The following DNHD1 variants were observed in gnomAD, a reference collection of about 807,000 sequenced individuals.
DNHD1 encodes dynein heavy chain domain 1.
Under a neutral mutation model 458.1 loss-of-function variants are expected in DNHD1, and 383 were observed. That is an observed-to-expected ratio of 0.84 (90% confidence interval 0.77 to 0.91). The LOEUF (loss-of-function observed/expected upper bound fraction) is 0.91, where lower values mean the gene tolerates loss of function less well. Among genes scored for constraint, DNHD1 ranks in the 40% least tolerant of loss-of-function variants. DNHD1 has a pLI of 0.00. For missense variants in DNHD1, 5,336 were observed against 5,866.1 expected, an observed-to-expected ratio of 0.91 and a Z score of 2.95; for synonymous variants, 2,203 against 2,376.9, an observed-to-expected ratio of 0.93 and a Z score of 2.13.
Position 6,508,803 on chromosome 11 carries a change from T to G in DNHD1, c.921-77T>G, listed in dbSNP as rs1376570536. 7.8e-5 allele frequency: 108 copies of G among 1,387,652 alleles called. 1 individual carries two copies. The East Asian group carries it at 2.5e-3, about 32-fold the overall frequency. 86.0% of individuals were successfully genotyped at this position (1,387,652 alleles called of 1,614,324 possible). A position where few individuals can be genotyped will look rare whatever the true frequency, so the allele number is the denominator to read the frequency against. On this transcript the variant is annotated intron_variant, in intron 4 of 42. Coordinates refer to ENST00000254579, the MANE Select transcript of DNHD1 (RefSeq NM_144666.3). ...TGCCTTCCTGTTCCCCTTTTTCATC[T>G]CCTGTATCCTCCTTTGGTCTCTTAA...
chr11:6,506,289 A>G (rs1852226826), intron 4 of DNHD1, among the ~76,000 whole-genome samples: 1 of 152,216 alleles, frequency 6.6e-6, no homozygotes, highest in Non-Finnish European at 1.5e-5. Flanking sequence ...CCCATACCAA[A>G]AAGGAGGTAT....
At chr11:6,502,548 CCTAA>C (rs1455675424) in intron 3 of DNHD1, among the ~76,000 whole-genome samples, 4 of 152,264 alleles carry the variant, frequency 2.6e-5, no homozygotes, top group East Asian at 3.9e-4. Flanking sequence ...AATATTGTTG[CCTAA>C]CTGTGTTCTA....
chr11:6,534,725 G>C (rs1465303313), intron 14 of DNHD1, among the ~76,000 whole-genome samples: 2 of 152,116 alleles, frequency 1.3e-5, no homozygotes, highest in African/African-American at 4.8e-5. Flanking sequence ...AAAGAACTCT[G>C]TGGGCTCTGG....
In DNHD1 at chr11:6,570,031, G is replaced by C; in HGVS notation, c.12886G>C (p.Val4296Leu). 1 of 1,613,836 alleles carries C rather than the reference G, an allele frequency of 6.2e-7. No individual in the cohort carries two copies. The highest frequency in any genetic ancestry group is 8.5e-7 in the Non-Finnish European group (1 of 1,179,838). ...GRWSQVTLTQ[V>L]LQTQDQLWAS... ...TAGGAGTCAAGTGACTCTAACCCAG[G>C]TTCTTCAGACCCAAGACCAGCTGTG... Residue 4296 changes from valine (V) to leucine (L), a missense_variant, in exon 40 of 43, where the codon GTT becomes CTT. Physicochemically the swap from Val to Leu is conservative, Grantham distance 32. Coordinates refer to ENST00000254579, the MANE Select transcript of DNHD1 (RefSeq NM_144666.3).
rs1429435687 is a variant in DNHD1 at position 6,570,751 on chromosome 11, CTT to C, written c.13240_13241del (p.Leu4414GlufsTer13). The C allele has an allele frequency of 1.2e-6, 2 of 1,612,164 alleles. No homozygotes were observed. The highest frequency in any genetic ancestry group is 1.1e-5 in the South Asian group (1 of 90,762). On this transcript the variant is annotated frameshift_variant, in exon 42 of 43. Coordinates refer to ENST00000254579, the MANE Select transcript of DNHD1 (RefSeq NM_144666.3). LOFTEE classifies it high-confidence loss of function. ...WLLRRQSRAL[L>X]SALQRSSPVW... ...TGTTGCGACGCCAGAGTCGCGCTCT[CTT>C]GAGTGCGCTGCAGCGGAGTTCACCC...
Position 6,498,900 on chromosome 11 carries a change from C to G in DNHD1, c.685C>G (p.Arg229Gly). ...GGCACTGGCAGCGGACATCCCTGTA[C>G]GGTATGAAAGCAGTGACACTGACAA... ...PLALAADIPV[R>G]YESSDTDNAE... The change falls in exon 3 of 43, where the codon CGG becomes GGG. Residue 229 changes from arginine to glycine, a missense_variant. This residue lies in a region of DNHD1 where 3,932 missense variants were observed against 4,365.6 expected (regional missense o/e 0.90). Transcript: ENST00000254579. The G allele has an allele frequency of 6.2e-7, 1 of 1,613,892 alleles. No homozygotes were observed. The highest frequency in any genetic ancestry group is 2.2e-5 in the East Asian group (1 of 44,894).
intron 24 of DNHD1, among the ~76,000 whole-genome samples, chr11:6,549,507 CTA>C (rs971502996): frequency 1.4e-4 from 22 of 152,244 alleles, no homozygotes; most frequent in Non-Finnish European, 1.8e-4. Flanking sequence ...TACACTCTCT[CTA>C]ATTGGACTTA....
intron 12 of DNHD1, among the ~76,000 whole-genome samples, chr11:6,532,462 T>TA (rs1200060340): frequency 6.6e-6 from 1 of 152,214 alleles, no homozygotes; most frequent in Non-Finnish European, 1.5e-5. Context: ...CAGATCATAC[T>TA]ACCTTCTTGG....
Position 6,516,543 on chromosome 11 carries a change from C to A in DNHD1, c.1393-3057C>A, listed in dbSNP as rs1564998786. ...AAACCCCTGACCTCACGTGATCCGC[C>A]CACCTCAGCCTCCCAAAGTGCTGGG... On this transcript the variant is annotated intron_variant, in intron 7 of 42. Coordinates refer to ENST00000254579, the MANE Select transcript of DNHD1 (RefSeq NM_144666.3). 2.0e-5 allele frequency among the ~76,000 whole-genome samples: 3 copies of A among 151,944 alleles called. No homozygotes were observed. In the South Asian group the frequency reaches 6.2e-4, roughly 32 times the overall value.
intron 7 of DNHD1, among the ~76,000 whole-genome samples, chr11:6,516,631 T>G (rs2134388950): frequency 6.6e-6 from 1 of 152,142 alleles, no homozygotes; most frequent in African/African-American, 2.4e-5. Context: ...CACCATAAAT[T>G]ATGTATTTAT....
At chr11:6,512,242 A>T (rs1209406180) in intron 7 of DNHD1, among the ~76,000 whole-genome samples, 2 of 75,600 alleles carry the variant, frequency 2.6e-5, no homozygotes, top group African/African-American at 7.3e-5. Flanking sequence ...TTTTTTTGAG[A>T]CGGAGTCTCG....
At chr11:6,511,220 A>G (rs1395860244) in intron 6 of DNHD1, 53 bp from the exon 7 acceptor site, 1 of 1,598,510 alleles carries the variant, frequency 6.3e-7, no homozygotes, top group Non-Finnish European at 8.5e-7. Flanking sequence ...GGTCAAAGGT[A>G]TCCAAGGAAG....
rs1183555577 is a variant in DNHD1, at chr11:6,539,993, C to G, written c.3538C>G (p.Pro1180Ala). ...LNFILHVPYE[P>A]PASERSKRQV... ...CTTCATCCTGCATGTACCCTACGAG[C>G]CCCCAGCCTCAGAGCGCTCCAAGAG... The change falls in exon 18 of 43, where the codon CCC (proline) becomes GCC (alanine). Residue 1180 changes from proline to alanine, a missense_variant. This residue lies in a region of DNHD1 where 3,932 missense variants were observed against 4,365.6 expected (regional missense o/e 0.90). Coordinates refer to ENST00000254579, the MANE Select transcript of DNHD1 (RefSeq NM_144666.3). 10 of 1,551,574 alleles carry G rather than the reference C, an allele frequency of 6.4e-6. No homozygotes were observed. Among genetic ancestry groups the G allele is most frequent in the Admixed American group, 2.0e-5 (1 of 50,998 alleles).
rs776402315 is a variant in DNHD1, at chr11:6,571,024, T to C, written c.13512T>C (p.Asp4504=). Residue 4504 remains aspartate, a synonymous_variant, in exon 42 of 43, where the codon GAT becomes GAC. Coordinates refer to ENST00000254579, the MANE Select transcript of DNHD1 (RefSeq NM_144666.3). The surrounding 1 kb of genome is among the most constrained non-coding windows in gnomAD (Gnocchi z 5.0). The part of the protein sequence containing the change: ...QLVGTLQRDL[D]CLLQQLKGAP... Reference sequence around the variant, plus strand: ...TGGGCACGCTACAACGCGACCTTGATTGCCTGTTGCAGCAGCTGAAGGGCG... The same window carrying C: ...TGGGCACGCTACAACGCGACCTTGACTGCCTGTTGCAGCAGCTGAAGGGCG... 4 of 1,589,028 alleles carry C rather than the reference T, an allele frequency of 2.5e-6. No homozygotes were observed. The highest frequency in any genetic ancestry group is 2.2e-5 in the East Asian group (1 of 44,488).
intron 4 of DNHD1, chr11:6,508,385 G>A (rs966441518): frequency 2.6e-5 from 4 of 152,916 alleles, no homozygotes; most frequent in African/African-American, 9.7e-5. Flanking sequence ...TCCAATCTCA[G>A]TTTTTCCATC....
At chr11:6,510,300 G>T (rs1373391319) in intron 6 of DNHD1, among the ~76,000 whole-genome samples, 2 of 151,952 alleles carry the variant, frequency 1.3e-5, no homozygotes, top group South Asian at 2.1e-4. Context: ...GGCCAGGCTG[G>T]TCTTGAACTC....
chr11:6,538,925 C>A, intron 16 of DNHD1, 115 bp downstream of exon 16: 1 of 1,117,316 alleles, frequency 9.0e-7, no homozygotes, highest in South Asian at 1.7e-5. Context: ...CCAAGTTTCT[C>A]CCTACCTTTC....
chr11:6,551,239 A>G (rs1307654090), intron 24 of DNHD1, among the ~76,000 whole-genome samples: 1 of 152,216 alleles, frequency 6.6e-6, no homozygotes, highest in Non-Finnish European at 1.5e-5. Flanking sequence ...ATAATGTACC[A>G]AAAAAGAAAT....
intron 4 of DNHD1, among the ~76,000 whole-genome samples, chr11:6,506,869 T>G (rs1258929256): frequency 1.3e-5 from 2 of 152,230 alleles, no homozygotes; most frequent in African/African-American, 4.8e-5. Context: ...TCCTCAGGGC[T>G]TAGAACAGTC....
Sources: allele counts gnomAD v4.1 joint callset (sites outside exome capture counted in the v4.1 genomes callset), GRCh38; gene constraint gnomAD v4.1.1; regional missense constraint gnomAD v4.1.1; non-coding constraint Gnocchi (gnomAD v3.1); transcripts MANE v1.5; gene names NCBI Gene and HGNC (gene_info 2026-07-23, HGNC 2026-07-21).